AMMECR1L: variants seen among roughly 807,000 people sequenced by gnomAD.
AMMECR1L encodes the protein AMMECR1 like, also known as AMMECR1-like protein.
A neutral mutation model predicts 36.8 loss-of-function variants in AMMECR1L; 4 were observed. The ratio of observed to expected loss-of-function variants is 0.11; its 90% CI spans 0.05 to 0.25. The LOEUF (loss-of-function observed/expected upper bound fraction) is 0.25. AMMECR1L is among the 10% of genes least tolerant of loss of function. The pLI is 1.00. For missense variants in AMMECR1L, 232 were observed against 392.1 expected (o/e 0.59, Z 3.45); for synonymous variants, 147 against 148.0 (o/e 0.99, Z 0.05).
At position 127,874,509 on chromosome 2, in the gene AMMECR1L, C is replaced by G. The variant is rs1691136953; in HGVS notation, c.-38-237G>C. On this transcript the variant is annotated intron_variant, in intron 2 of 7. Transcript: ENST00000272647. This position sits in a 1 kb window ranked among gnomAD's most constrained non-coding sequence, Gnocchi z 5.2. ...GGATGGAGGCAGGCACCAAGCAGCT[C>G]CCTGTTCCCCAAGAGTCCCCAGGGC... 6.6e-6 allele frequency among the ~76,000 whole-genome samples: 1 copy of G among 152,146 alleles called. No individual in the cohort carries two copies. The highest frequency in any genetic ancestry group is 2.1e-4 in the South Asian group (1 of 4,832).
intron 1 of AMMECR1L, 92 bp downstream of exon 1, chr2:127,885,718 G>T (rs1482752696): frequency 2.0e-6 from 2 of 980,014 alleles, no homozygotes; most frequent in Admixed American, 1.2e-4. Context: ...CCGCCCCGGC[G>T]AGAACAGGCC....
rs553733114 is a variant in AMMECR1L, at chr2:127,862,781, G to A, written c.*2313C>T. The A allele has an allele frequency of 6.8e-6, 1 of 147,356 alleles. No homozygotes were observed. Among genetic ancestry groups the A allele is most frequent in the African/African-American group, 2.4e-5 (1 of 40,842 alleles). 9.1% of individuals were successfully genotyped at this position (147,356 alleles called of 1,614,324 possible). ...GCTGGGCCTAACCAGCCCAATTCTT[G>A]TGCACTGATTTTTTTTTCCCCATTT... On this transcript the variant is annotated 3_prime_UTR_variant, in exon 8 of 8. Transcript: ENST00000272647.
chr2:127,884,873 T>C (rs183131866), intron 1 of AMMECR1L: 1 of 152,262 alleles, frequency 6.6e-6, no homozygotes, highest in African/African-American at 2.4e-5. Flanking sequence ...TCCCCACTAC[T>C]AGAGAATTGA....
Position 127,873,295 on chromosome 2 carries a change from T to C in AMMECR1L, c.407+533A>G. On this transcript the variant is annotated intron_variant, in intron 3 of 7. Transcript: ENST00000272647. The surrounding 1 kb of genome is among the most constrained non-coding windows in gnomAD (Gnocchi z 5.2). ...GGCTTGGGACAAGCAACAAAGAATC[T>C]TGAACTAAAAATACTGAAGCAGATT... The C allele has an allele frequency of 2.0e-6, 2 of 985,480 alleles. No homozygotes were observed. The highest frequency in any genetic ancestry group is 4.7e-5 in the South Asian group (1 of 21,290). The allele number at this position is 985,480 out of a possible 1,614,324, so 61.0% of individuals were successfully genotyped here.
rs1690473341 is a variant in AMMECR1L, at chr2:127,861,644, GATTT to G, written c.*3446_*3449del. 6.6e-6 allele frequency: 1 copy of G among 152,154 alleles called. No individual in the cohort carries two copies. The highest frequency in any genetic ancestry group is 1.5e-5 in the Non-Finnish European group (1 of 68,028). The allele number at this position is 152,154 out of a possible 1,614,324, so 9.4% of individuals were successfully genotyped here. ...GAACAAAACGATTTTTATCCATTAT[GATTT>G]ATTCTCTACAATACTTCGTTAAAGT... On this transcript the variant is annotated 3_prime_UTR_variant, in exon 8 of 8. Transcript: ENST00000272647.
intron 6 of AMMECR1L, chr2:127,867,316 T>C (rs1164169158): frequency 1.0e-6 from 1 of 985,338 alleles, no homozygotes; most frequent in South Asian, 4.7e-5. Flanking sequence ...GACCAGCCTA[T>C]TGGCCTAGTG....
intron 7 of AMMECR1L, among the ~76,000 whole-genome samples, chr2:127,866,395 T>C (rs367583785): frequency 1.3e-5 from 2 of 152,246 alleles, no homozygotes; most frequent in East Asian, 1.9e-4. Flanking sequence ...CTAGTACATG[T>C]TGAGCTGGGA....
rs1354764944 is a variant in AMMECR1L at position 127,861,817 on chromosome 2, G to C, written c.*3277C>G. The C allele has an allele frequency of 2.6e-5, 4 of 152,214 alleles. No homozygotes were observed. Among genetic ancestry groups the C allele is most frequent in the African/African-American group, 4.8e-5 (2 of 41,444 alleles). 9.4% of individuals were successfully genotyped at this position (152,214 alleles called of 1,614,324 possible). ...ACGAAATGAACAAAAAGAACACATAGCTCCCTAGGCTCCAGAATCTCAATA... is the reference window on the plus strand; with the variant it reads ...ACGAAATGAACAAAAAGAACACATACCTCCCTAGGCTCCAGAATCTCAATA... On this transcript the variant is annotated 3_prime_UTR_variant, in exon 8 of 8. Coordinates refer to ENST00000272647, the MANE Select transcript of AMMECR1L (RefSeq NM_001199140.2).
chr2:127,862,844 G>A lies in AMMECR1L; in HGVS notation c.*2250C>T, dbSNP rs1690524282. ...AATTTTCTATTCATTTTCTTAAATG[G>A]CAGGTATCGTACCCCCCCTCGATAA... is the stretch of plus-strand genomic sequence containing the variant. On this transcript the variant is annotated 3_prime_UTR_variant, in exon 8 of 8. Coordinates refer to ENST00000272647, the MANE Select transcript of AMMECR1L (RefSeq NM_001199140.2). 1.3e-5 allele frequency: 2 copies of A among 151,304 alleles called. No individual in the cohort carries two copies. The highest frequency in any genetic ancestry group is 2.1e-4 in the South Asian group (1 of 4,808). The allele number at this position is 151,304 out of a possible 1,614,324, so 9.4% of individuals were successfully genotyped here.
In AMMECR1L at chr2:127,884,208, G is replaced by A. The variant is rs1316357028; in HGVS notation, c.-44C>T. On this transcript the variant is annotated 5_prime_UTR_variant, in exon 2 of 8. Transcript: ENST00000272647. ...ATGCCCAAGATAATACTCACTGAAA[G>A]CAGAAAGTTTGTATTGCCAGAGGAA... The A allele has an allele frequency of 6.6e-6, 1 of 152,198 alleles. No individual in the cohort carries two copies. The highest frequency in any genetic ancestry group is 1.5e-5 in the Non-Finnish European group (1 of 68,042). The allele number at this position is 152,198 out of a possible 1,614,324, so 9.4% of individuals were successfully genotyped here. A position where few individuals can be genotyped will look rare whatever the true frequency, so the allele number is the denominator to read the frequency against.
At chr2:127,879,304 T>G (rs7560482) in intron 2 of AMMECR1L, among the ~76,000 whole-genome samples, 20,329 of 152,202 alleles carry the variant, frequency 0.13, 1,671 homozygotes, top group African/African-American at 0.22. Context: ...GCACTCCTGA[T>G]AGTGATGACA....
intron 1 of AMMECR1L, chr2:127,885,214 C>A: frequency 1.0e-6 from 1 of 984,870 alleles, no homozygotes; most frequent in Non-Finnish European, 1.2e-6. Flanking sequence ...GGAGAAAGTG[C>A]GCGTGTGAAG....
In AMMECR1L at chr2:127,874,673, A is replaced by AT. The variant is rs1691143996; in HGVS notation, c.-38-402dup. Among the ~76,000 whole-genome samples the AT allele has an allele frequency of 6.6e-6, 1 of 152,178 alleles. No individual in the cohort carries two copies. ...TAGAGGCTCCAAATTGAACCATCCT[A>AT]TTTTTAAAGAACTCCAGAGGAACTT... On this transcript the variant is annotated intron_variant, in intron 2 of 7. Transcript: ENST00000272647. This position sits in a 1 kb window ranked among gnomAD's most constrained non-coding sequence, Gnocchi z 5.2.
rs141599954 is a variant in AMMECR1L, at chr2:127,865,245, C to T, written c.822-40G>A. ...AGGAAAGGGTATTAGGAACCCCAAACGCTTCATTTTGTAAAGTCACTCAGC... is the reference window on the plus strand; with the variant it reads ...AGGAAAGGGTATTAGGAACCCCAAATGCTTCATTTTGTAAAGTCACTCAGC... On this transcript the variant is annotated intron_variant, in intron 7 of 7. Coordinates refer to ENST00000272647, the MANE Select transcript of AMMECR1L (RefSeq NM_001199140.2). This position sits in a 1 kb window ranked among gnomAD's most constrained non-coding sequence, Gnocchi z 5.4. 2.3e-4 allele frequency: 335 copies of T among 1,449,522 alleles called. No homozygotes were observed. In the African/African-American group the frequency reaches 3.8e-3, roughly 16 times the overall value. 89.8% of individuals were successfully genotyped at this position (1,449,522 alleles called of 1,614,324 possible).
In AMMECR1L at chr2:127,871,451, T is replaced by C; in HGVS notation, c.408-92A>G. On this transcript the variant is annotated intron_variant, in intron 3 of 7. Transcript: ENST00000272647. The surrounding 1 kb of genome is among the most constrained non-coding windows in gnomAD (Gnocchi z 4.3). ...TGGCTTTGTCCCTATTCATTTCTGT[T>C]ATTGCCAAAAATCCCTGTTTTTGGA... The C allele has an allele frequency of 1.5e-6, 2 of 1,314,242 alleles. No homozygotes were observed. The highest frequency in any genetic ancestry group is 1.1e-6 in the Non-Finnish European group (1 of 950,680). The allele number at this position is 1,314,242 out of a possible 1,614,324, so 81.4% of individuals were successfully genotyped here.
At position 127,871,245 on chromosome 2, in the gene AMMECR1L, T is replaced by C; in HGVS notation, c.518+4A>G. ...CTACAGTTCTTAATGTCTGGTGTCA[T>C]TACCTGGTTAACGTGTATTCCCTGA... is the stretch of plus-strand genomic sequence containing the variant. On this transcript the variant is annotated splice_donor_region_variant and intron_variant, in intron 4 of 7. Transcript: ENST00000272647. The surrounding 1 kb of genome is among the most constrained non-coding windows in gnomAD (Gnocchi z 4.3). 1.2e-6 allele frequency: 2 copies of C among 1,613,848 alleles called. No homozygotes were observed. The highest frequency in any genetic ancestry group is 1.7e-6 in the Non-Finnish European group (2 of 1,179,820).
intron 2 of AMMECR1L, among the ~76,000 whole-genome samples, chr2:127,877,978 G>T (rs1691325349): frequency 6.6e-6 from 1 of 152,004 alleles, no homozygotes; most frequent in Admixed American, 6.6e-5. Flanking sequence ...GGATCCCCTT[G>T]AGCCCAGGAG....
chr2:127,867,067 G>GC lies in AMMECR1L; in HGVS notation c.725-72dup, dbSNP rs1273007769. 2.3e-5 allele frequency: 37 copies of GC among 1,598,940 alleles called. 1 individual carries two copies. The Middle Eastern group carries it at 8.6e-4, about 37-fold the overall frequency. On this transcript the variant is annotated intron_variant, in intron 6 of 7. Coordinates refer to ENST00000272647, the MANE Select transcript of AMMECR1L (RefSeq NM_001199140.2). ...TAAGGCATGCTCTCACATGGCCCGT[G>GC]CAAGAAGAGAAATGGGACTCGAGAA... is the stretch of plus-strand genomic sequence containing the variant.
Position 127,864,043 on chromosome 2 carries a change from C to A in AMMECR1L, c.*1051G>T, listed in dbSNP as rs1258998354. 1 of 152,620 alleles carries A rather than the reference C, an allele frequency of 6.6e-6. No individual in the cohort carries two copies. The highest frequency in any genetic ancestry group is 1.5e-5 in the Non-Finnish European group (1 of 68,060). The allele number at this position is 152,620 out of a possible 1,614,324, so 9.5% of individuals were successfully genotyped here. On this transcript the variant is annotated 3_prime_UTR_variant, in exon 8 of 8. Transcript: ENST00000272647. The stretch of plus-strand genomic sequence containing the variant: ...TGTAAAGGACAGAAACACCAACAGT[C>A]TTCCCACCTCTACAGGCAAACTAGA...
Sources: gnomAD v4.1 joint callset for allele counts (sites outside exome capture counted in the v4.1 genomes callset) on GRCh38, gnomAD v4.1.1 for gene constraint, Gnocchi (gnomAD v3.1) non-coding constraint, MANE v1.5 for transcripts, NCBI Gene and HGNC (gene_info 2026-07-23, HGNC 2026-07-21) for gene names.